The following BBX variants were observed in gnomAD, a reference collection of about 807,000 sequenced individuals.
BBX encodes HMG box transcription factor BBX.
Under a neutral mutation model 100.2 loss-of-function variants are expected in BBX, and 30 were observed. The ratio of observed to expected loss-of-function variants is 0.30; its 90% CI spans 0.22 to 0.41. The LOEUF (loss-of-function observed/expected upper bound fraction) is 0.41, where lower values mean the gene tolerates loss of function less well. Ranked by LOEUF, BBX falls within the 10% of genes least tolerant of loss-of-function variation. The pLI, the probability that BBX is intolerant of heterozygous loss-of-function variation, is 1.00. For missense variants in BBX, 1,023 were observed against 1,129.8 expected (o/e 0.91, Z 1.35); for synonymous variants, 376 against 388.1 (o/e 0.97, Z 0.37).
intron 2 of BBX, among the ~76,000 whole-genome samples, chr3:107,562,207 C>T (rs1013443510): frequency 6.6e-6 from 1 of 152,132 alleles, no homozygotes; most frequent in Admixed American, 6.6e-5. Context: ...TTCAAATAAA[C>T]ACACATGGGA....
intron 2 of BBX, among the ~76,000 whole-genome samples, chr3:107,576,167 G>A (rs1047892276): frequency 5.3e-5 from 8 of 152,214 alleles, no homozygotes; most frequent in Non-Finnish European, 1.2e-4. Flanking sequence ...ACCACGACCA[G>A]TGGTTGCCAT....
At chr3:107,543,020 A>G (rs1425428804) in intron 2 of BBX, among the ~76,000 whole-genome samples, 2 of 152,222 alleles carry the variant, frequency 1.3e-5, no homozygotes, top group African/African-American at 4.8e-5. Context: ...GACTCATTCT[A>G]AACATATGGT....
At chr3:107,557,308 G>A (rs1315780856) in intron 2 of BBX, among the ~76,000 whole-genome samples, 1 of 152,166 alleles carries the variant, frequency 6.6e-6, no homozygotes, top group Non-Finnish European at 1.5e-5. Flanking sequence ...ATTTTGAGAA[G>A]TGTGGCCTTC....
chr3:107,790,843 C>T (rs2068945765), intron 14 of BBX, among the ~76,000 whole-genome samples: 5 of 152,128 alleles, frequency 3.3e-5, no homozygotes, highest in Admixed American at 3.3e-4. Context: ...TACTTTGGGC[C>T]TTCTTTTCAC....
intron 3 of BBX, among the ~76,000 whole-genome samples, chr3:107,691,785 T>A (rs2060185371): frequency 6.6e-6 from 1 of 152,246 alleles, no homozygotes; most frequent in African/African-American, 2.4e-5. Context: ...TACCTTTATG[T>A]AATTTGTAAT....
At chr3:107,590,663 C>T (rs1327417220) in intron 2 of BBX, among the ~76,000 whole-genome samples, 1 of 152,226 alleles carries the variant, frequency 6.6e-6, no homozygotes, top group Non-Finnish European at 1.5e-5. Flanking sequence ...ACCCATCCCT[C>T]TCTTATTTCT....
chr3:107,716,452 A>G lies in BBX; in HGVS notation c.163-155A>G, dbSNP rs1303758673. On this transcript the variant is annotated intron_variant, in intron 4 of 17. Transcript: ENST00000325805. ...CATAAGTTAGTTACCAACCATGAACAGTGGTTGTTGATTTTTTAAAATTAT... is the reference window on the plus strand; with the variant it reads ...CATAAGTTAGTTACCAACCATGAACGGTGGTTGTTGATTTTTTAAAATTAT... The G allele has an allele frequency of 3.4e-6, 3 of 872,914 alleles. No homozygotes were observed. The African/African-American group carries it at 5.1e-5, about 15-fold the overall frequency. The allele number at this position is 872,914 out of a possible 1,614,324, so 54.1% of individuals were successfully genotyped here.
intron 10 of BBX, among the ~76,000 whole-genome samples, chr3:107,762,434 G>T (rs1256457975): frequency 6.6e-6 from 1 of 152,222 alleles, no homozygotes; most frequent in African/African-American, 2.4e-5. Flanking sequence ...ATGATAAATG[G>T]AATTGAATTT....
intron 9 of BBX, among the ~76,000 whole-genome samples, chr3:107,752,367 T>C (rs913984124): frequency 4.6e-5 from 7 of 152,234 alleles, no homozygotes; most frequent in African/African-American, 1.7e-4. Flanking sequence ...GTGGATGTAT[T>C]TTGTGTTTTA....
chr3:107,704,540 T>C (rs1404734268), intron 3 of BBX, among the ~76,000 whole-genome samples: 3 of 152,214 alleles, frequency 2.0e-5, no homozygotes, highest in African/African-American at 7.2e-5. Context: ...GGGCCAATAT[T>C]TGGGGAAGGC....
chr3:107,715,781 G>A (rs2062057467), intron 4 of BBX, among the ~76,000 whole-genome samples: 1 of 152,218 alleles, frequency 6.6e-6, no homozygotes, highest in Non-Finnish European at 1.5e-5. Context: ...TCACCCAGAT[G>A]GAATGGACAG....
chr3:107,549,635 G>A (rs1447289120), intron 2 of BBX, among the ~76,000 whole-genome samples: 1 of 152,162 alleles, frequency 6.6e-6, no homozygotes, highest in Non-Finnish European at 1.5e-5. Context: ...GTACCTGGTG[G>A]CAGACTTTTG....
intron 1 of BBX, chr3:107,524,327 G>A (rs1323917308): frequency 6.6e-6 from 1 of 152,066 alleles, no homozygotes; most frequent in Non-Finnish European, 1.5e-5. Context: ...TATTTGCTGC[G>A]ATCCGGGTCG....
Position 107,666,728 on chromosome 3 carries a change from C to T in BBX, c.-10+20819C>T, listed in dbSNP as rs1482293491. Among the ~76,000 whole-genome samples the T allele has an allele frequency of 5.3e-5, 8 of 152,128 alleles. No individual in the cohort carries two copies. In the South Asian group the frequency reaches 6.2e-4, roughly 12 times the overall value. On this transcript the variant is annotated intron_variant, in intron 3 of 17. Transcript: ENST00000325805. ...CTGGGGCTACAGGTGCGTGCCACCA[C>T]GCCCAGCTAATTTTTGTATTTTCAG...
intron 2 of BBX, among the ~76,000 whole-genome samples, chr3:107,641,451 A>G (rs2057206932): frequency 6.6e-6 from 1 of 152,260 alleles, no homozygotes; most frequent in Middle Eastern, 3.4e-3. Context: ...GGATTTGCAA[A>G]TCTTTCATCT....
chr3:107,546,819 A>G (rs573918528), intron 2 of BBX, among the ~76,000 whole-genome samples: 52 of 152,300 alleles, frequency 3.4e-4, no homozygotes, highest in African/African-American at 7.5e-4. Flanking sequence ...TGAAAGTAAT[A>G]TATGGTTCCT....
intron 5 of BBX, among the ~76,000 whole-genome samples, chr3:107,718,623 G>A (rs879034153): frequency 1.3e-5 from 2 of 151,978 alleles, no homozygotes; most frequent in Non-Finnish European, 2.9e-5. Context: ...CATGCAGCCT[G>A]TCCCCAGAAT....
intron 3 of BBX, among the ~76,000 whole-genome samples, chr3:107,682,820 G>C (rs945124122): frequency 6.6e-6 from 1 of 152,130 alleles, no homozygotes; most frequent in Non-Finnish European, 1.5e-5. Flanking sequence ...TTTTGAACAA[G>C]TGTGAAAAGA....
intron 3 of BBX, among the ~76,000 whole-genome samples, chr3:107,665,758 C>T (rs1418465469): frequency 6.6e-6 from 1 of 152,202 alleles, no homozygotes; most frequent in Non-Finnish European, 1.5e-5. Flanking sequence ...GGCAACTCGT[C>T]CTTACCTTTG....
Sources: gnomAD v4.1 joint callset for allele counts (sites outside exome capture counted in the v4.1 genomes callset) on GRCh38, gnomAD v4.1.1 for gene constraint, MANE v1.5 for transcripts, NCBI Gene and HGNC (gene_info 2026-07-23, HGNC 2026-07-21) for gene names.